The following ASMTL variants were observed in gnomAD, a reference collection of about 807,000 sequenced individuals.
The protein encoded by ASMTL is probable bifunctional dTTP/UTP pyrophosphatase/methyltransferase protein.
Under a neutral mutation model 60.3 loss-of-function variants are expected in ASMTL, and 57 were observed. The ratio of observed to expected loss-of-function variants is 0.95; its 90% CI spans 0.76 to 1.18. The LOEUF (loss-of-function observed/expected upper bound fraction) is 1.18, where lower values mean the gene tolerates loss of function less well. ASMTL is among the 50% of genes most tolerant of loss of function. The pLI is 0.00. For missense variants in ASMTL, 981 were observed against 852.6 expected, an observed-to-expected ratio of 1.15 and a Z score of -1.88; for synonymous variants, 419 against 373.0, an observed-to-expected ratio of 1.12 and a Z score of -1.42.
chrX:1,410,560 T>C (rs2089971787), intron 12 of ASMTL, among the ~76,000 whole-genome samples: 2 of 152,102 alleles, frequency 1.3e-5, no homozygotes, highest in East Asian at 3.9e-4. Flanking sequence ...ATTAGAGGCG[T>C]GCACCACTAC....
intron 12 of ASMTL, among the ~76,000 whole-genome samples, chrX:1,407,981 G>A (rs1454628483): frequency 6.6e-6 from 1 of 152,048 alleles, no homozygotes; most frequent in African/African-American, 2.4e-5. Flanking sequence ...GAGGCAGGAG[G>A]ATCGCTTGAG....
intron 12 of ASMTL, among the ~76,000 whole-genome samples, chrX:1,412,186 A>T (rs1350031943): frequency 6.6e-6 from 1 of 152,082 alleles, no homozygotes; most frequent in South Asian, 2.1e-4. Flanking sequence ...CAGACGCTGG[A>T]CCTGCCAACC....
rs375015679 is a variant in ASMTL, at chrX:1,435,795, C to T, written c.274-37G>A. ...AGGGACAGAGGGAGTTGGTTCCCAC[C>T]GGCTGGGTCAGGCCTGTGCAAGTCC... On this transcript the variant is annotated intron_variant, in intron 3 of 12. Transcript: ENST00000381317. 5.6e-4 allele frequency: 884 copies of T among 1,589,700 alleles called. 1 individual carries two copies. Among genetic ancestry groups the T allele is most frequent in the Non-Finnish European group, 7.2e-4 (830 of 1,158,558 alleles).
intron 6 of ASMTL, among the ~76,000 whole-genome samples, chrX:1,429,824 T>C (rs1158564167): frequency 6.6e-6 from 1 of 151,524 alleles, no homozygotes; most frequent in East Asian, 1.9e-4. Context: ...TTAAATGGGA[T>C]GTTTTGATAT....
Position 1,403,192 on chromosome X carries a change from C to T in ASMTL, c.*77G>A. On this transcript the variant is annotated 3_prime_UTR_variant, in exon 13 of 13. Transcript: ENST00000381317. ...GACTACACGCTCCTATGTGACTGTC[C>T]TATGGTACTTGGGGACCGGGCGGTC... The T allele has an allele frequency of 1.7e-6, 2 of 1,207,896 alleles. No individual in the cohort carries two copies. The highest frequency in any genetic ancestry group is 2.5e-5 in the South Asian group (2 of 81,002). 74.8% of individuals were successfully genotyped at this position (1,207,896 alleles called of 1,614,324 possible).
intron 8 of ASMTL, among the ~76,000 whole-genome samples, chrX:1,423,551 CCCACTCACCCACCCATCCAGTTAT>C (rs1188264983): frequency 6.6e-6 from 1 of 151,790 alleles, no homozygotes; most frequent in African/African-American, 2.4e-5. Flanking sequence ...CATCCATCCA[CCCACTCACCCACCCATCCAGTTAT>C]CCACTCACCC....
chrX:1,419,858 G>A (rs1215722023), intron 9 of ASMTL, among the ~76,000 whole-genome samples: 1 of 152,176 alleles, frequency 6.6e-6, no homozygotes, highest in East Asian at 1.9e-4. Flanking sequence ...GGCTGCTCAC[G>A]CCAGCTCAGG....
chrX:1,424,137 C>A (rs1384763044), intron 8 of ASMTL, among the ~76,000 whole-genome samples: 1 of 149,814 alleles, frequency 6.7e-6, no homozygotes, highest in African/African-American at 2.5e-5. Flanking sequence ...TTTATCCATT[C>A]ATTCCCCCAC....
At chrX:1,421,545 G>T in intron 9 of ASMTL, 113 bp downstream of exon 9, 1 of 1,186,318 alleles carries the variant, frequency 8.4e-7, no homozygotes, top group Non-Finnish European at 1.2e-6. Flanking sequence ...CCAAGCCTTT[G>T]GGATCTGTCA....
At chrX:1,423,656 C>CCAATCCACCG (rs1228565097) in intron 8 of ASMTL, among the ~76,000 whole-genome samples, 12 of 151,718 alleles carry the variant, frequency 7.9e-5, no homozygotes, top group African/African-American at 2.9e-4. Context: ...TTCCCCCACC[C>CCAATCCACCG]ATCCAATCCA....
chrX:1,425,690 G>A lies in ASMTL; in HGVS notation c.898-3C>T, dbSNP rs1473884930. 1.9e-6 allele frequency: 3 copies of A among 1,613,042 alleles called. No homozygotes were observed. Among genetic ancestry groups the A allele is most frequent in the Non-Finnish European group, 8.5e-7 (1 of 1,179,530 alleles). Reference sequence around the variant, plus strand: ...AGTTTGCAAGCGGTGAGCAGGCCCTGTTAAAAGCAAGTGCAGAGAGACTCA... The same window carrying A: ...AGTTTGCAAGCGGTGAGCAGGCCCTATTAAAAGCAAGTGCAGAGAGACTCA... On this transcript the variant is annotated splice_polypyrimidine_tract_variant and splice_region_variant and intron_variant, in intron 7 of 12. Coordinates refer to ENST00000381317, the MANE Select transcript of ASMTL (RefSeq NM_004192.4).
In ASMTL at chrX:1,403,975, ATGGATGT is replaced by A. The variant is rs1169915021; in HGVS notation, c.1646-493_1646-487del. On this transcript the variant is annotated intron_variant, in intron 12 of 12. Coordinates refer to ENST00000381317, the MANE Select transcript of ASMTL (RefSeq NM_004192.4). ...GATGAGTGGATGGACAGATGGATGC[ATGGATGT>A]GATGGATGGATGGGTGAATAGATGG... is the stretch of plus-strand genomic sequence containing the variant. 4.7e-3 allele frequency among the ~76,000 whole-genome samples: 708 copies of A among 151,678 alleles called. 5 individuals carry two copies. The highest frequency in any genetic ancestry group is 0.016 in the African/African-American group (671 of 41,288).
intron 1 of ASMTL, among the ~76,000 whole-genome samples, chrX:1,444,208 ATTTTTTTT>A (rs112915722): frequency 8.1e-6 from 1 of 123,510 alleles, no homozygotes; most frequent in African/African-American, 2.9e-5. Flanking sequence ...CACTTTTTGT[ATTTTTTTT>A]TTTTTTTTTG....
chrX:1,413,221 CAG>C (rs1418934170), intron 11 of ASMTL: 19 of 210,980 alleles, frequency 9.0e-5, no homozygotes, highest in South Asian at 1.9e-4. Flanking sequence ...ATTAGCTGGA[CAG>C]GGGTGGCGGG....
chrX:1,411,831 G>C (rs1308403327), intron 12 of ASMTL, among the ~76,000 whole-genome samples: 64 of 22,784 alleles, frequency 2.8e-3, no homozygotes, highest in African/African-American at 9.1e-3. Context: ...TTTTTTTTTT[G>C]AGATGGAGTC....
chrX:1,417,436 ACAC>A (rs1381381839), intron 11 of ASMTL, among the ~76,000 whole-genome samples: 2 of 151,876 alleles, frequency 1.3e-5, no homozygotes, highest in Admixed American at 6.6e-5. Flanking sequence ...ACAGACACAC[ACAC>A]AAGGACATAC....
intron 4 of ASMTL, 113 bp downstream of exon 4, chrX:1,435,581 C>G (rs1490034539): frequency 9.9e-7 from 1 of 1,005,240 alleles, no homozygotes; most frequent in Non-Finnish European, 1.6e-6. Context: ...CAGCACAGCT[C>G]AGACGGCAGA....
Position 1,435,083 on chromosome X carries a change from C to T in ASMTL, c.339G>A (p.Arg113=). 1 of 1,613,998 alleles carries T rather than the reference C, an allele frequency of 6.2e-7. No homozygotes were observed. The highest frequency in any genetic ancestry group is 8.5e-7 in the Non-Finnish European group (1 of 1,179,866). Residue 113 remains arginine, a splice_region_variant and synonymous_variant, in exon 5 of 13, where the codon CGG becomes CGA. Coordinates refer to ENST00000381317, the MANE Select transcript of ASMTL (RefSeq NM_004192.4). The part of the protein sequence containing the change: ...DKQDAYRMLS[R]LSGREHSVFT... ...ACACGCTGTGTTCTCTCCCACTCAA[C>T]CTGTAAGACAACAACGGGTGACCAC... is the stretch of plus-strand genomic sequence containing the variant.
At chrX:1,429,418 G>A (rs1156820327) in intron 6 of ASMTL, among the ~76,000 whole-genome samples, 1 of 151,768 alleles carries the variant, frequency 6.6e-6, no homozygotes, top group Non-Finnish European at 1.5e-5. Flanking sequence ...GGCTGGTCTC[G>A]AACTCCTGGG....
Sources: gnomAD v4.1 joint callset for allele counts (sites outside exome capture counted in the v4.1 genomes callset) on GRCh38, gnomAD v4.1.1 for gene constraint, MANE v1.5 for transcripts, NCBI Gene and HGNC (gene_info 2026-07-23, HGNC 2026-07-21) for gene names.